Variants in AUTS2 observed in about 807,000 individuals in gnomAD.
AUTS2 encodes the protein autism susceptibility gene 2 protein.
AUTS2 carries 17 observed loss-of-function variants against 112.4 expected under a neutral mutation model. That is an observed-to-expected ratio of 0.15 (90% CI 0.10 to 0.23). The LOEUF (loss-of-function observed/expected upper bound fraction) is 0.23. Ranked by LOEUF, AUTS2 falls within the 10% of genes least tolerant of loss-of-function variation. The pLI, the probability that AUTS2 is intolerant of heterozygous loss-of-function variation, is 1.00. For synonymous variants in AUTS2, 751 were observed against 702.7 expected, an observed-to-expected ratio of 1.07 and a Z score of -1.09; for missense variants, 1,510 against 1,701.6, an observed-to-expected ratio of 0.89 and a Z score of 1.98.
chr7:69,901,168 A>G (rs551772644), intron 2 of AUTS2, among the ~76,000 whole-genome samples: 18 of 152,276 alleles, frequency 1.2e-4, no homozygotes, highest in African/African-American at 3.9e-4. Flanking sequence ...TAAGTTCTAT[A>G]AAAGGTGATG....
At chr7:70,779,503 G>A (rs140640264) in intron 14 of AUTS2, among the ~76,000 whole-genome samples, 3 of 152,178 alleles carry the variant, frequency 2.0e-5, no homozygotes, top group African/African-American at 4.8e-5. Context: ...GGAGGTGCAC[G>A]GGTAGCTTTT....
chr7:70,177,292 AT>A (rs1260221583), intron 4 of AUTS2, among the ~76,000 whole-genome samples: 1 of 151,762 alleles, frequency 6.6e-6, no homozygotes, highest in Non-Finnish European at 1.5e-5. Flanking sequence ...TATTGACATC[AT>A]TTTTCTAGTG....
At chr7:70,042,876 T>G (rs573328112) in intron 2 of AUTS2, among the ~76,000 whole-genome samples, 1 of 152,182 alleles carries the variant, frequency 6.6e-6, no homozygotes, top group Non-Finnish European at 1.5e-5. Context: ...ATGCTTCTTA[T>G]AGAGTTCAGC....
intron 1 of AUTS2, among the ~76,000 whole-genome samples, chr7:69,694,795 G>A (rs1797485142): frequency 6.6e-6 from 1 of 152,168 alleles, no homozygotes. Context: ...TTACAAGGTG[G>A]CCTTACTATT....
intron 1 of AUTS2, among the ~76,000 whole-genome samples, chr7:69,821,622 C>T (rs762308430): frequency 3.9e-4 from 60 of 152,054 alleles, no homozygotes; most frequent in Non-Finnish European, 7.5e-4. Context: ...ACACTCACCG[C>T]GAGGGTCTGC....
At chr7:70,135,565 A>G (rs1275669237) in intron 4 of AUTS2, among the ~76,000 whole-genome samples, 2 of 152,202 alleles carry the variant, frequency 1.3e-5, no homozygotes, top group Admixed American at 1.3e-4. Flanking sequence ...CTCTCGATAC[A>G]TTTACATTAA....
chr7:70,724,219 G>C (rs1786872988), intron 6 of AUTS2, among the ~76,000 whole-genome samples: 1 of 151,984 alleles, frequency 6.6e-6, no homozygotes, highest in African/African-American at 2.4e-5. Context: ...ATGAAGATGT[G>C]GCTGTGATTT....
chr7:69,700,300 G>C (rs897936350), intron 1 of AUTS2, among the ~76,000 whole-genome samples: 2 of 151,010 alleles, frequency 1.3e-5, no homozygotes, highest in Non-Finnish European at 3.0e-5. Context: ...TTTCTTTCCT[G>C]TTTTTTCTAT....
intron 4 of AUTS2, among the ~76,000 whole-genome samples, chr7:70,404,589 G>A (rs1362226374): frequency 6.6e-6 from 1 of 152,136 alleles, no homozygotes. Context: ...GAGAGCAGCG[G>A]TTATTTGGAC....
chr7:69,724,221 C>G (rs1786391486), intron 1 of AUTS2, among the ~76,000 whole-genome samples: 1 of 152,146 alleles, frequency 6.6e-6, no homozygotes. Flanking sequence ...GTTTCTTTGT[C>G]TGTAAAATGA....
chr7:70,370,074 G>A (rs997446105), intron 4 of AUTS2, among the ~76,000 whole-genome samples: 2 of 152,134 alleles, frequency 1.3e-5, no homozygotes, highest in Non-Finnish European at 2.9e-5. Flanking sequence ...ACATAACCCT[G>A]CCCTAGTAGG....
At chr7:70,622,642 T>C (rs910827356) in intron 5 of AUTS2, among the ~76,000 whole-genome samples, 2 of 152,234 alleles carry the variant, frequency 1.3e-5, no homozygotes, top group African/African-American at 4.8e-5. Flanking sequence ...AAAAAAGGCT[T>C]GTATTTTTCC....
intron 4 of AUTS2, among the ~76,000 whole-genome samples, chr7:70,229,037 T>C (rs571785736): frequency 6.6e-6 from 1 of 151,878 alleles, no homozygotes; most frequent in Non-Finnish European, 1.5e-5. Context: ...ATATTAATCT[T>C]TCTATATTAT....
intron 4 of AUTS2, among the ~76,000 whole-genome samples, chr7:70,349,783 T>A (rs1268441571): frequency 4.6e-5 from 7 of 152,230 alleles, no homozygotes; most frequent in Non-Finnish European, 8.8e-5. Context: ...AAAGAGTTGA[T>A]TTCTGAAAGA....
intron 1 of AUTS2, among the ~76,000 whole-genome samples, chr7:69,691,538 C>T (rs919378823): frequency 2.6e-5 from 4 of 152,042 alleles, no homozygotes; most frequent in African/African-American, 7.2e-5. Context: ...GACTGGGTCG[C>T]GGCAGTGCCC....
intron 2 of AUTS2, among the ~76,000 whole-genome samples, chr7:70,052,322 C>T (rs1009256718): frequency 6.6e-6 from 1 of 152,096 alleles, no homozygotes; most frequent in Non-Finnish European, 1.5e-5. Context: ...GCTAACATTT[C>T]CTAGGTAATT....
intron 4 of AUTS2, among the ~76,000 whole-genome samples, chr7:70,224,954 G>A (rs768373399): frequency 4.6e-5 from 7 of 152,202 alleles, no homozygotes; most frequent in Non-Finnish European, 7.4e-5. Flanking sequence ...TAGGTTTGTC[G>A]AAGTGTATTC....
intron 4 of AUTS2, among the ~76,000 whole-genome samples, chr7:70,335,242 G>C (rs1585030118): frequency 6.6e-6 from 1 of 152,298 alleles, no homozygotes; most frequent in Admixed American, 6.5e-5. Flanking sequence ...AATCTCAACA[G>C]AGGATGGGTT....
intron 4 of AUTS2, among the ~76,000 whole-genome samples, chr7:70,245,843 C>T (rs1224759227): frequency 1.3e-5 from 2 of 151,938 alleles, no homozygotes; most frequent in Admixed American, 1.3e-4. Flanking sequence ...TACCAATTTC[C>T]ACTCTAACTA....
Sources: allele counts gnomAD v4.1 joint callset (sites outside exome capture counted in the v4.1 genomes callset), GRCh38; gene constraint gnomAD v4.1.1; transcripts MANE v1.5; gene names NCBI Gene and HGNC (gene_info 2026-07-23, HGNC 2026-07-21).